The following PTP4A3 variants were observed in gnomAD, a reference collection of about 807,000 sequenced individuals.
PTP4A3 encodes protein tyrosine phosphatase type IVA 3.
Under a neutral mutation model 15.2 loss-of-function variants are expected in PTP4A3, and 9 were observed. The ratio of observed to expected loss-of-function variants is 0.59; its 90% CI spans 0.36 to 1.03. The LOEUF is 1.03. Among genes scored for constraint, PTP4A3 ranks in the 50% least tolerant of loss-of-function variants. PTP4A3 has a pLI of 0.02. For synonymous variants in PTP4A3, 95 were observed against 102.0 expected, an observed-to-expected ratio of 0.93 and a Z score of 0.41; for missense variants, 234 against 252.1, an observed-to-expected ratio of 0.93 and a Z score of 0.49.
Position 141,425,330 on chromosome 8 carries a change from A to G in PTP4A3, c.198+190A>G, listed in dbSNP as rs1488572418. ...GTGTTGGGCCGTGTGACCTCAAGAA[A>G]GTCACCCTTGCGCACCCGTCTTTCT... On this transcript the variant is annotated intron_variant, in intron 3 of 5. Coordinates refer to ENST00000521578, the MANE Select transcript of PTP4A3 (RefSeq NM_032611.3). The surrounding 1 kb of genome is among the most constrained non-coding windows in gnomAD (Gnocchi z 4.2). Among the ~76,000 whole-genome samples the G allele has an allele frequency of 6.6e-6, 1 of 151,928 alleles. No homozygotes were observed. Among genetic ancestry groups the G allele is most frequent in the Admixed American group, 6.6e-5 (1 of 15,264 alleles).
chr8:141,422,808 C>CA (rs1156994554), intron 2 of PTP4A3, among the ~76,000 whole-genome samples: 9 of 152,174 alleles, frequency 5.9e-5, no homozygotes, highest in Admixed American at 2.6e-4. Flanking sequence ...AGGGACTGAG[C>CA]AAGGGTCAGC....
intron 1 of PTP4A3, among the ~76,000 whole-genome samples, chr8:141,394,660 G>C (rs926911691): frequency 6.6e-6 from 1 of 152,234 alleles, no homozygotes; most frequent in Admixed American, 6.5e-5. Context: ...CAGGACAGTG[G>C]TGAAGCTTGG....
intron 1 of PTP4A3, among the ~76,000 whole-genome samples, chr8:141,392,757 T>C (rs1444334393): frequency 6.6e-6 from 1 of 152,142 alleles, no homozygotes; most frequent in Non-Finnish European, 1.5e-5. Flanking sequence ...GGTGGTGGCA[T>C]GCTTAGCTCC....
In PTP4A3 at chr8:141,429,940, T is replaced by C. The variant is rs28552826; in HGVS notation, c.405-987T>C. Among the ~76,000 whole-genome samples the C allele has an allele frequency of 8.8e-3, 65 of 7,362 alleles. 4 individuals are homozygous for C. The highest frequency in any genetic ancestry group is 0.013 in the African/African-American group (39 of 3,090). The allele number at this position is 7,362 out of a possible 152,430, so 4.8% of individuals were successfully genotyped here. A position where few individuals can be genotyped will look rare whatever the true frequency, so the allele number is the denominator to read the frequency against. ...AGTCCGGGTCCCCGCTGTAAGGACCTGGTGGCGGGGACAGGGTGAGCGCAC... is the reference window on the plus strand; with the variant it reads ...AGTCCGGGTCCCCGCTGTAAGGACCCGGTGGCGGGGACAGGGTGAGCGCAC... On this transcript the variant is annotated intron_variant, in intron 5 of 5. Transcript: ENST00000521578.
At chr8:141,404,128 G>A (rs529688189) in intron 1 of PTP4A3, among the ~76,000 whole-genome samples, 2 of 152,272 alleles carry the variant, frequency 1.3e-5, no homozygotes, top group African/African-American at 2.4e-5. Flanking sequence ...TGGGGGAGCC[G>A]GAGGACAGGG....
chr8:141,402,943 C>T (rs989199698), intron 1 of PTP4A3, among the ~76,000 whole-genome samples: 2 of 152,122 alleles, frequency 1.3e-5, no homozygotes, highest in African/African-American at 2.4e-5. Context: ...GCCTGGCCAG[C>T]GGGCCGGTCC....
chr8:141,415,815 G>C (rs1383888639), intron 1 of PTP4A3, among the ~76,000 whole-genome samples: 1 of 149,934 alleles, frequency 6.7e-6, no homozygotes, highest in Non-Finnish European at 1.5e-5. Flanking sequence ...GGATGTGGCA[G>C]TGAGGAGGCT....
At position 141,431,184 on chromosome 8, in the gene PTP4A3, A is replaced by G; in HGVS notation, c.*140A>G. 2 of 746,048 alleles carry G rather than the reference A, an allele frequency of 2.7e-6. No individual in the cohort carries two copies. The highest frequency in any genetic ancestry group is 2.5e-5 in the Admixed American group (1 of 40,234). The allele number at this position is 746,048 out of a possible 1,614,324, so 46.2% of individuals were successfully genotyped here. A position where few individuals can be genotyped will look rare whatever the true frequency, so the allele number is the denominator to read the frequency against. On this transcript the variant is annotated 3_prime_UTR_variant, in exon 6 of 6. Transcript: ENST00000521578. ...CCCACATCGCCTTTTCCTCCCCGACACCTCCGTGCACTTGTGTCCGAGGAG... is the reference window on the plus strand; with the variant it reads ...CCCACATCGCCTTTTCCTCCCCGACGCCTCCGTGCACTTGTGTCCGAGGAG...
intron 1 of PTP4A3, among the ~76,000 whole-genome samples, chr8:141,400,597 T>C (rs1052740773): frequency 6.6e-6 from 1 of 152,180 alleles, no homozygotes; most frequent in African/African-American, 2.4e-5. Flanking sequence ...AGTGAGGCCA[T>C]GGACAGCCAG....
chr8:141,429,277 C>T (rs376855186), intron 5 of PTP4A3, among the ~76,000 whole-genome samples: 1 of 152,280 alleles, frequency 6.6e-6, no homozygotes, highest in Non-Finnish European at 1.5e-5. Context: ...CCTCGCGCTA[C>T]TGCTGCTCCC....
At chr8:141,429,267 CCT>C (rs1264131230) in intron 5 of PTP4A3, among the ~76,000 whole-genome samples, 1 of 152,252 alleles carries the variant, frequency 6.6e-6, no homozygotes, top group Non-Finnish European at 1.5e-5. Flanking sequence ...GGCAGAGACT[CCT>C]CGCGCTACTG....
intron 1 of PTP4A3, among the ~76,000 whole-genome samples, chr8:141,408,028 G>A (rs1284962468): frequency 6.6e-6 from 1 of 152,212 alleles, no homozygotes; most frequent in Non-Finnish European, 1.5e-5. Context: ...GAATATAGGC[G>A]GCCAACAGGT....
Position 141,422,183 on chromosome 8 carries a change from C to G in PTP4A3, c.-58C>G. 3 of 1,537,640 alleles carry G rather than the reference C, an allele frequency of 2.0e-6. No individual in the cohort carries two copies. The highest frequency in any genetic ancestry group is 2.3e-5 in the East Asian group (1 of 44,394). ...GGGGGTGTGTGGGGACTTCTCAGGT[C>G]GTGTCCCCAGCCTTCTCTGCAGTCC... On this transcript the variant is annotated 5_prime_UTR_variant, in exon 2 of 6. Coordinates refer to ENST00000521578, the MANE Select transcript of PTP4A3 (RefSeq NM_032611.3).
At chr8:141,407,389 C>T (rs1263962113) in intron 1 of PTP4A3, among the ~76,000 whole-genome samples, 2 of 152,204 alleles carry the variant, frequency 1.3e-5, no homozygotes, top group African/African-American at 2.4e-5. Flanking sequence ...CAACCTTGCA[C>T]AGCCCCCTGG....
Position 141,431,182 on chromosome 8 carries a change from ACACCT to A in PTP4A3, c.*140_*144del, listed in dbSNP as rs1833858733. 3 of 781,254 alleles carry A rather than the reference ACACCT, an allele frequency of 3.8e-6. No individual in the cohort carries two copies. The highest frequency in any genetic ancestry group is 4.8e-5 in the Admixed American group (2 of 41,904). The allele number at this position is 781,254 out of a possible 1,614,324, so 48.4% of individuals were successfully genotyped here. Reference sequence around the variant, plus strand: ...GCCCCACATCGCCTTTTCCTCCCCGACACCTCCGTGCACTTGTGTCCGAGGAGCGA... The same window carrying A: ...GCCCCACATCGCCTTTTCCTCCCCGACCGTGCACTTGTGTCCGAGGAGCGA... On this transcript the variant is annotated 3_prime_UTR_variant, in exon 6 of 6. Coordinates refer to ENST00000521578, the MANE Select transcript of PTP4A3 (RefSeq NM_032611.3).
chr8:141,399,522 G>A (rs1276710534), intron 1 of PTP4A3, among the ~76,000 whole-genome samples: 2 of 152,218 alleles, frequency 1.3e-5, no homozygotes, highest in African/African-American at 4.8e-5. Flanking sequence ...CCTGGCCCTG[G>A]CTCTGCCGAC....
chr8:141,398,208 G>C (rs949587509), intron 1 of PTP4A3, among the ~76,000 whole-genome samples: 1 of 152,210 alleles, frequency 6.6e-6, no homozygotes, highest in African/African-American at 2.4e-5. Flanking sequence ...TCTCCTGCTA[G>C]GTGACCCTCA....
chr8:141,430,363 C>G (rs1032098257), intron 5 of PTP4A3, among the ~76,000 whole-genome samples: 1 of 145,990 alleles, frequency 6.8e-6, no homozygotes, highest in Non-Finnish European at 1.5e-5. Flanking sequence ...GACCCGGTGG[C>G]GGGGACAGGG....
In PTP4A3 at chr8:141,422,144, TCTC is replaced by T. The variant is rs1324008340; in HGVS notation, c.-93_-91del. ...TCTTGGACAAGCACAGGGATCTCGT[TCTC>T]CTCATTTTTTGGGGGTGTGTGGGGA... On this transcript the variant is annotated 5_prime_UTR_variant, in exon 2 of 6. Coordinates refer to ENST00000521578, the MANE Select transcript of PTP4A3 (RefSeq NM_032611.3). 2.4e-5 allele frequency: 28 copies of T among 1,150,014 alleles called. No individual in the cohort carries two copies. In the Admixed American group the frequency reaches 2.8e-4, roughly 11 times the overall value. 71.2% of individuals were successfully genotyped at this position (1,150,014 alleles called of 1,614,324 possible).
Sources: allele counts gnomAD v4.1 joint callset (sites outside exome capture counted in the v4.1 genomes callset), GRCh38; gene constraint gnomAD v4.1.1; non-coding constraint Gnocchi (gnomAD v3.1); transcripts MANE v1.5; gene names NCBI Gene and HGNC (gene_info 2026-07-23, HGNC 2026-07-21).